CACNA2D2: variants seen among roughly 807,000 people sequenced by gnomAD.
CACNA2D2 encodes calcium voltage-gated channel auxiliary subunit alpha2delta 2, also known as voltage-dependent calcium channel subunit alpha-2/delta-2.
Under a neutral mutation model 166.4 loss-of-function variants are expected in CACNA2D2, and 48 were observed. The observed-to-expected ratio is 0.29, with a 90% CI of 0.23 to 0.37. The LOEUF (loss-of-function observed/expected upper bound fraction) is 0.37, where lower values mean the gene tolerates loss of function less well. CACNA2D2 is among the 10% of genes least tolerant of loss of function. The pLI is 1.00. For missense variants in CACNA2D2, 1,122 were observed against 1,433.0 expected, an observed-to-expected ratio of 0.78 and a Z score of 3.50; for synonymous variants, 561 against 573.7, an observed-to-expected ratio of 0.98 and a Z score of 0.32.
At position 50,376,764 on chromosome 3, in the gene CACNA2D2, G is replaced by C. The variant is rs1012690194; in HGVS notation, c.1627-576C>G. 3.2e-4 allele frequency among the ~76,000 whole-genome samples: 48 copies of C among 152,136 alleles called. No individual in the cohort carries two copies. The highest frequency in any genetic ancestry group is 2.4e-4 in the Non-Finnish European group (16 of 68,004). On this transcript the variant is annotated intron_variant, in intron 17 of 37. Coordinates refer to ENST00000424201, the MANE Select transcript of CACNA2D2 (RefSeq NM_006030.4). This position sits in a 1 kb window ranked among gnomAD's most constrained non-coding sequence, Gnocchi z 4.3. ...CACTCAGGGCCAAGCAGAGGCTTCAGGGGGGCTCAGGCTTAATGATGCTGT... is the reference window on the plus strand; with the variant it reads ...CACTCAGGGCCAAGCAGAGGCTTCACGGGGGCTCAGGCTTAATGATGCTGT...
Position 50,378,928 on chromosome 3 carries a change from G to A in CACNA2D2, c.1326C>T (p.Ala442=). Residue 442 remains alanine, a synonymous_variant, in exon 13 of 38, where the codon GCC becomes GCT. Coordinates refer to ENST00000424201, the MANE Select transcript of CACNA2D2 (RefSeq NM_006030.4). The part of the protein sequence containing the change: ...NYDVTPLQWM[A]CANKGYYFEI... ...CAGGGGAGGTACCTTTGTTGGCACA[G>A]GCCATCCACTGCAGCGGTGTGACGT... 1 of 1,613,826 alleles carries A rather than the reference G, an allele frequency of 6.2e-7. No individual in the cohort carries two copies. Among genetic ancestry groups the A allele is most frequent in the Non-Finnish European group, 8.5e-7 (1 of 1,180,026 alleles).
chr3:50,382,362 GCAGA>G (rs1272475904), intron 6 of CACNA2D2, among the ~76,000 whole-genome samples: 1 of 152,164 alleles, frequency 6.6e-6, no homozygotes, highest in African/African-American at 2.4e-5. Context: ...CCTGCAGCAG[GCAGA>G]CAAAGGTAGA....
chr3:50,483,208 C>A lies in CACNA2D2; in HGVS notation c.207-7009G>T, dbSNP rs80049775. Among the ~76,000 whole-genome samples the A allele has an allele frequency of 7.9e-3, 1,203 of 152,264 alleles. 142 individuals carry two copies. In the East Asian group the frequency reaches 0.21, roughly 26 times the overall value. On this transcript the variant is annotated intron_variant, in intron 1 of 37. Transcript: ENST00000424201. ...TCTATTTGTGATTCAGTTGAAGGGA[C>A]CCTAGAATGAGCAGCATGATGCCTC...
rs771545522 is a variant in CACNA2D2, at chr3:50,365,330, C to G, written c.3098+26G>C. 1.9e-6 allele frequency: 3 copies of G among 1,610,798 alleles called. No homozygotes were observed. The South Asian group carries it at 3.3e-5, about 18-fold the overall frequency. Reference sequence around the variant, plus strand: ...CCCGCTCACAGGTTCCGCCCTTGGCCTCTGGTCCCGCCCCACTGCCAGCAC... The same window carrying G: ...CCCGCTCACAGGTTCCGCCCTTGGCGTCTGGTCCCGCCCCACTGCCAGCAC... On this transcript the variant is annotated intron_variant, in intron 35 of 37. Transcript: ENST00000424201. This position sits in a 1 kb window ranked among gnomAD's most constrained non-coding sequence, Gnocchi z 4.5.
intron 1 of CACNA2D2, among the ~76,000 whole-genome samples, chr3:50,498,255 C>T (rs765026378): frequency 7.9e-5 from 12 of 152,156 alleles, no homozygotes; most frequent in Non-Finnish European, 1.5e-4. Context: ...AGCCCTTGAA[C>T]GCTGGTTCCC....
intron 4 of CACNA2D2, among the ~76,000 whole-genome samples, chr3:50,393,287 C>CCT (rs1705973853): frequency 6.6e-6 from 1 of 152,184 alleles, no homozygotes; most frequent in African/African-American, 2.4e-5. Context: ...CACAAGAGTA[C>CCT]TAGGAGGCAT....
In CACNA2D2 at chr3:50,379,199, A is replaced by T. The variant is rs1392949840; in HGVS notation, c.1153T>A (p.Ser385Thr). ...TTGCAGTTGGCCCGAGTGATGTTGG[A>T]CTGAGGGGAGTGAGGCGGAGGCAGG... Reference protein sequence around the residue: ...FEYAFDQLQNSNITRANCNKM... With the variant: ...FEYAFDQLQNTNITRANCNKM... The change falls in exon 12 of 38, where the codon TCC becomes ACC. Residue 385 changes from serine (S) to threonine (T), a missense_variant and splice_region_variant. By Grantham distance (58) the Ser-to-Thr change is moderately conservative. Transcript: ENST00000424201. This position sits in a 1 kb window ranked among gnomAD's most constrained non-coding sequence, Gnocchi z 6.5. 15 of 1,612,568 alleles carry T rather than the reference A, an allele frequency of 9.3e-6. No individual in the cohort carries two copies. In the South Asian group the frequency reaches 1.6e-4, roughly 18 times the overall value.
In CACNA2D2 at chr3:50,363,447, A is replaced by G. The variant is rs1322772952; in HGVS notation, c.*1219T>C. 12 of 394,154 alleles carry G rather than the reference A, an allele frequency of 3.0e-5. No individual in the cohort carries two copies. In the East Asian group the frequency reaches 3.3e-4, roughly 11 times the overall value. The allele number at this position is 394,154 out of a possible 1,614,324, so 24.4% of individuals were successfully genotyped here. A position where few individuals can be genotyped will look rare whatever the true frequency, so the allele number is the denominator to read the frequency against. On this transcript the variant is annotated 3_prime_UTR_variant, in exon 38 of 38. Coordinates refer to ENST00000424201, the MANE Select transcript of CACNA2D2 (RefSeq NM_006030.4). Reference sequence around the variant, plus strand: ...AATGACCAGAATGAATGGTGTGAAGAGCTGTGCCCAGTCCCCACCTGTGTG... The same window carrying G: ...AATGACCAGAATGAATGGTGTGAAGGGCTGTGCCCAGTCCCCACCTGTGTG...
At position 50,365,896 on chromosome 3, in the gene CACNA2D2, C is replaced by G. The variant is rs1271500454; in HGVS notation, c.2863-34G>C. ...GAGAGAGGGGCGTGGACTGCCACTG[C>G]TGCCCCTCGCCCTAGGTCACCCCCA... On this transcript the variant is annotated intron_variant, in intron 32 of 37. Coordinates refer to ENST00000424201, the MANE Select transcript of CACNA2D2 (RefSeq NM_006030.4). This position sits in a 1 kb window ranked among gnomAD's most constrained non-coding sequence, Gnocchi z 4.5. 1.2e-6 allele frequency: 2 copies of G among 1,612,620 alleles called. No homozygotes were observed. The highest frequency in any genetic ancestry group is 2.2e-5 in the South Asian group (2 of 91,040).
chr3:50,392,595 C>T (rs1173919833), intron 4 of CACNA2D2, among the ~76,000 whole-genome samples: 1 of 152,206 alleles, frequency 6.6e-6, no homozygotes, highest in Non-Finnish European at 1.5e-5. Flanking sequence ...CCTTTACTGC[C>T]TCATCTCAGG....
intron 2 of CACNA2D2, among the ~76,000 whole-genome samples, chr3:50,440,554 G>A (rs982923559): frequency 6.6e-6 from 1 of 152,218 alleles, no homozygotes; most frequent in Non-Finnish European, 1.5e-5. Flanking sequence ...TGGGATGAAC[G>A]CTCTCTTTAG....
chr3:50,454,906 G>A (rs1394511928), intron 2 of CACNA2D2, among the ~76,000 whole-genome samples: 1 of 152,170 alleles, frequency 6.6e-6, no homozygotes, highest in Non-Finnish European at 1.5e-5. Flanking sequence ...TGCTGCACTG[G>A]TAGGCCCTCT....
chr3:50,406,786 C>G (rs950142892), intron 3 of CACNA2D2, among the ~76,000 whole-genome samples: 2 of 151,826 alleles, frequency 1.3e-5, no homozygotes, highest in African/African-American at 4.8e-5. Flanking sequence ...CGACCATCAC[C>G]CCACTGTGGT....
chr3:50,467,139 C>T (rs1339512925), intron 2 of CACNA2D2, among the ~76,000 whole-genome samples: 1 of 152,158 alleles, frequency 6.6e-6, no homozygotes, highest in Non-Finnish European at 1.5e-5. Flanking sequence ...ACACCTGGGC[C>T]AAGCCTTCAA....
rs2109400667 is a variant in CACNA2D2, at chr3:50,365,706, C to T, written c.2916-18G>A. 1.3e-6 allele frequency: 2 copies of T among 1,593,540 alleles called. No homozygotes were observed. The stretch of plus-strand genomic sequence containing the variant: ...ACAGGGACCTGCAGCGCACGGGGAG[C>T]CGAGTGCAGGTGGTCAGCAGAGGAC... On this transcript the variant is annotated intron_variant, in intron 33 of 37. Transcript: ENST00000424201. The surrounding 1 kb of genome is among the most constrained non-coding windows in gnomAD (Gnocchi z 4.5).
chr3:50,378,056 G>T lies in CACNA2D2; in HGVS notation c.1431C>A (p.Gly477=). The change falls in exon 15 of 38, where the codon GGC becomes GGA. Residue 477 remains glycine, a synonymous_variant. Coordinates refer to ENST00000424201, the MANE Select transcript of CACNA2D2 (RefSeq NM_006030.4). ...DVLGRPMVLA[G]KEAKQVQWTN... is the part of the protein sequence containing the mutation. The stretch of plus-strand genomic sequence containing the variant: ...TCCACTGCACCTGCTTGGCCTCCTT[G>T]CCTGCCAGCACCATGGGCCTGCCCA... 1 of 1,613,674 alleles carries T rather than the reference G, an allele frequency of 6.2e-7. No homozygotes were observed. Among genetic ancestry groups the T allele is most frequent in the Non-Finnish European group, 8.5e-7 (1 of 1,180,018 alleles).
At chr3:50,397,110 C>A (rs747838202) in intron 3 of CACNA2D2, among the ~76,000 whole-genome samples, 1 of 152,206 alleles carries the variant, frequency 6.6e-6, no homozygotes, top group African/African-American at 2.4e-5. Context: ...CAGAGCCTAG[C>A]AGACAGGGCA....
chr3:50,375,874 G>C lies in CACNA2D2; in HGVS notation c.1780C>G (p.Arg594Gly), dbSNP rs755251875. The C allele has an allele frequency of 1.9e-6, 3 of 1,612,922 alleles. No homozygotes were observed. The highest frequency in any genetic ancestry group is 2.2e-5 in the South Asian group (2 of 91,076). The change falls in exon 20 of 38, where the codon CGG becomes GGG. Residue 594 changes from arginine to glycine, a missense_variant. Physicochemically the swap from Arg to Gly is moderately radical, Grantham distance 125. This residue lies in a region of CACNA2D2 where 840 missense variants were observed against 1,166.8 expected (regional missense o/e 0.72). Coordinates refer to ENST00000424201, the MANE Select transcript of CACNA2D2 (RefSeq NM_006030.4). This position sits in a 1 kb window ranked among gnomAD's most constrained non-coding sequence, Gnocchi z 4.0. Reference sequence around the variant, plus strand: ...CCCTTGTTGCCATCAATCATGCTCCGACGGATCTGGAAGGGCCAGAGATGT... The same window carrying C: ...CCCTTGTTGCCATCAATCATGCTCCCACGGATCTGGAAGGGCCAGAGATGT... ...LEDENKEEIR[R>G]SMIDGNKGHK...
intron 1 of CACNA2D2, among the ~76,000 whole-genome samples, chr3:50,481,234 G>C (rs1237419096): frequency 6.6e-6 from 1 of 152,152 alleles, no homozygotes; most frequent in Non-Finnish European, 1.5e-5. Context: ...CTCTGTTCAA[G>C]AGCAGACAGG....
Sources: allele counts gnomAD v4.1 joint callset (sites outside exome capture counted in the v4.1 genomes callset), GRCh38; gene constraint gnomAD v4.1.1; regional missense constraint gnomAD v4.1.1; non-coding constraint Gnocchi (gnomAD v3.1); transcripts MANE v1.5; gene names NCBI Gene and HGNC (gene_info 2026-07-23, HGNC 2026-07-21).